KIAA1217: variants seen among roughly 807,000 people sequenced by gnomAD.
The protein encoded by KIAA1217 is KIAA1217.
Under a neutral mutation model 163.9 loss-of-function variants are expected in KIAA1217, and 88 were observed. The ratio of observed to expected loss-of-function variants is 0.54; its 90% CI spans 0.45 to 0.64. The LOEUF (loss-of-function observed/expected upper bound fraction) is 0.64, where lower values mean the gene tolerates loss of function less well. Among genes scored for constraint, KIAA1217 ranks in the 30% least tolerant of loss-of-function variants. KIAA1217 has a pLI of 0.00. For missense variants in KIAA1217, 2,372 were observed against 2,475.0 expected, an observed-to-expected ratio of 0.96 and a Z score of 0.88; for synonymous variants, 903 against 923.1, an observed-to-expected ratio of 0.98 and a Z score of 0.39.
intron 2 of KIAA1217, among the ~76,000 whole-genome samples, chr10:24,303,679 A>C (rs1014759244): frequency 1.3e-5 from 2 of 152,218 alleles, no homozygotes; most frequent in African/African-American, 4.8e-5. Flanking sequence ...GGTTTTGGAC[A>C]GACTACATTC....
At chr10:24,309,435 G>A (rs11014019) in intron 2 of KIAA1217, among the ~76,000 whole-genome samples, 4,144 of 152,208 alleles carry the variant, frequency 0.027, 94 homozygotes, top group East Asian at 0.042. Flanking sequence ...GGATCACAGT[G>A]TACGTTTGTA....
intron 1 of KIAA1217, among the ~76,000 whole-genome samples, chr10:23,723,663 G>GA (rs1315224568): frequency 1.3e-5 from 2 of 152,044 alleles, no homozygotes; most frequent in African/African-American, 4.8e-5. Context: ...ATTCTTTTAT[G>GA]TTTTTCAAAG....
intron 1 of KIAA1217, among the ~76,000 whole-genome samples, chr10:23,973,523 G>A (rs768450785): frequency 2.0e-5 from 3 of 152,160 alleles, no homozygotes; most frequent in Non-Finnish European, 2.9e-5. Flanking sequence ...CCTCCCATAG[G>A]GATTGTGCAG....
intron 2 of KIAA1217, among the ~76,000 whole-genome samples, chr10:24,202,724 A>G (rs2067331062): frequency 6.6e-6 from 1 of 152,140 alleles, no homozygotes. Context: ...CTGGCATCAC[A>G]GTCTTAGCTT....
intron 1 of KIAA1217, among the ~76,000 whole-genome samples, chr10:23,875,309 T>C (rs1001490752): frequency 2.6e-5 from 4 of 152,050 alleles, no homozygotes; most frequent in Non-Finnish European, 2.9e-5. Flanking sequence ...AGGACTCTGA[T>C]AGGAGGCAGG....
At chr10:24,212,660 A>G (rs1479215760) in intron 1 of KIAA1217, among the ~76,000 whole-genome samples, 2 of 152,226 alleles carry the variant, frequency 1.3e-5, no homozygotes, top group Non-Finnish European at 2.9e-5. Flanking sequence ...CCCGGTGAGC[A>G]CGAGTGCCGC....
chr10:24,118,143 A>G (rs1365582783), intron 2 of KIAA1217, among the ~76,000 whole-genome samples: 7 of 150,762 alleles, frequency 4.6e-5, no homozygotes, highest in Admixed American at 3.3e-4. Context: ...TGAGCCTCAA[A>G]TAACGGTTAA....
chr10:23,797,687 A>G (rs1836273183), intron 1 of KIAA1217, among the ~76,000 whole-genome samples: 1 of 152,106 alleles, frequency 6.6e-6, no homozygotes, highest in Non-Finnish European at 1.5e-5. Flanking sequence ...TTAAACCACC[A>G]ACTGTCATGA....
At chr10:23,825,449 T>G (rs12245154) in intron 1 of KIAA1217, among the ~76,000 whole-genome samples, 2,039 of 152,180 alleles carry the variant, frequency 0.013, 49 homozygotes, top group African/African-American at 0.047. Context: ...TTGATGAACA[T>G]ATATGTAAAT....
intron 2 of KIAA1217, among the ~76,000 whole-genome samples, chr10:24,315,138 A>G (rs1244385787): frequency 6.6e-6 from 1 of 152,100 alleles, no homozygotes. Context: ...GTGCAGTAAT[A>G]CATAGGAAGC....
chr10:24,005,211 T>C (rs1250880481), intron 1 of KIAA1217, among the ~76,000 whole-genome samples: 1 of 152,222 alleles, frequency 6.6e-6, no homozygotes, highest in African/African-American at 2.4e-5. Flanking sequence ...TAACAATGCC[T>C]AGCTGGCAGG....
At chr10:24,058,371 T>C (rs1447084143) in intron 2 of KIAA1217, among the ~76,000 whole-genome samples, 1 of 152,184 alleles carries the variant, frequency 6.6e-6, no homozygotes, top group African/African-American at 2.4e-5. Flanking sequence ...ATTTTGGCTA[T>C]TTAGGATCCT....
chr10:23,880,783 C>G (rs980656829), intron 1 of KIAA1217, among the ~76,000 whole-genome samples: 1 of 150,492 alleles, frequency 6.6e-6, no homozygotes, highest in Non-Finnish European at 1.5e-5. Context: ...ACAACAACAA[C>G]AAAAATGAAT....
intron 1 of KIAA1217, among the ~76,000 whole-genome samples, chr10:23,789,765 C>T (rs1046373059): frequency 6.6e-6 from 1 of 151,776 alleles, no homozygotes; most frequent in Admixed American, 6.6e-5. Context: ...TATGGAAGTT[C>T]TTATAAGTAC....
At chr10:24,067,582 C>T (rs932196899) in intron 2 of KIAA1217, among the ~76,000 whole-genome samples, 6 of 152,208 alleles carry the variant, frequency 3.9e-5, no homozygotes, top group South Asian at 4.1e-4. Flanking sequence ...TTAGGCTACT[C>T]GGGGGTCAGG....
At chr10:24,213,190 C>T (rs867889177) in intron 1 of KIAA1217, among the ~76,000 whole-genome samples, 4 of 152,138 alleles carry the variant, frequency 2.6e-5, no homozygotes, top group African/African-American at 7.2e-5. Context: ...GTGTGCTTTG[C>T]GGAGTAGGCA....
intron 2 of KIAA1217, among the ~76,000 whole-genome samples, chr10:24,194,986 C>T (rs1337818584): frequency 1.3e-5 from 2 of 152,040 alleles, no homozygotes; most frequent in Non-Finnish European, 2.9e-5. Flanking sequence ...CCTCCATGCT[C>T]CTTCCAAGTG....
intron 1 of KIAA1217, among the ~76,000 whole-genome samples, chr10:24,212,027 T>C (rs2068193730): frequency 7.0e-6 from 1 of 143,260 alleles, no homozygotes; most frequent in South Asian, 2.2e-4. Context: ...TGGGTAACAG[T>C]GTAAGATTCT....
At chr10:23,715,556 A>T (rs921922928) in intron 1 of KIAA1217, among the ~76,000 whole-genome samples, 1 of 152,162 alleles carries the variant, frequency 6.6e-6, no homozygotes, top group Non-Finnish European at 1.5e-5. Flanking sequence ...AGTCTCTTTG[A>T]TGTAGCTATA....
Sources: gnomAD v4.1 joint callset for allele counts (sites outside exome capture counted in the v4.1 genomes callset) on GRCh38, gnomAD v4.1.1 for gene constraint, MANE v1.5 for transcripts, NCBI Gene and HGNC (gene_info 2026-07-23, HGNC 2026-07-21) for gene names.